The following VWA5A variants were observed in gnomAD, a reference collection of about 807,000 sequenced individuals.
VWA5A encodes the protein von Willebrand factor A domain containing 5A.
A neutral mutation model predicts 84.6 loss-of-function variants in VWA5A; 77 were observed. That is an observed-to-expected ratio of 0.91 (90% CI 0.76 to 1.10). The LOEUF (loss-of-function observed/expected upper bound fraction) is 1.10, where lower values mean the gene tolerates loss of function less well. VWA5A is among the 50% of genes least tolerant of loss of function. The pLI is 0.00. For synonymous variants in VWA5A, 334 were observed against 350.1 expected, an observed-to-expected ratio of 0.95 and a Z score of 0.51; for missense variants, 973 against 963.0, an observed-to-expected ratio of 1.01 and a Z score of -0.14.
rs1207160701 is a variant in VWA5A at position 124,145,914 on chromosome 11, C to T, written c.2330C>T (p.Ser777Leu). Residue 777 changes from serine to leucine, a missense_variant, in exon 19 of 19, where the codon TCA (serine) becomes TTA (leucine). By Grantham distance (145) the Ser-to-Leu change is moderately radical. Transcript: ENST00000456829. ...VVKAAITFLKSSVDPAIFAF is the reference protein window; with the variant it reads ...VVKAAITFLKLSVDPAIFAF ...AAAGCTGCTATTACTTTCCTGAAGT[C>T]ATCTGTGGATCCTGCTATCTTTGCC... 2 of 1,588,582 alleles carry T rather than the reference C, an allele frequency of 1.3e-6. No individual in the cohort carries two copies. The highest frequency in any genetic ancestry group is 1.7e-6 in the Non-Finnish European group (2 of 1,163,632).
intron 7 of VWA5A, among the ~76,000 whole-genome samples, chr11:124,122,645 C>T (rs1313935141): frequency 6.6e-6 from 1 of 152,214 alleles, no homozygotes; most frequent in African/African-American, 2.4e-5. Flanking sequence ...AATGCTGGAA[C>T]ATTTTAACCT....
In VWA5A at chr11:124,136,611, C is replaced by T; in HGVS notation, c.1562C>T (p.Thr521Ile). 2 of 1,614,166 alleles carry T rather than the reference C, an allele frequency of 1.2e-6. No individual in the cohort carries two copies. The highest frequency in any genetic ancestry group is 8.5e-7 in the Non-Finnish European group (1 of 1,180,034). ...ETTGEVCLKYTLQGKTFEDKV... is the reference protein window; with the variant it reads ...ETTGEVCLKYILQGKTFEDKV... ...ACAGGAGAAGTATGCCTCAAATATA[C>T]ACTCCAGGGCAAGACTTTTGAGGAT... is the stretch of plus-strand genomic sequence containing the variant. Residue 521 changes from threonine (T) to isoleucine (I), a missense_variant, in exon 14 of 19, where the codon ACA becomes ATA. Transcript: ENST00000456829.
intron 11 of VWA5A, among the ~76,000 whole-genome samples, chr11:124,125,488 T>C (rs1865006639): frequency 6.6e-6 from 1 of 152,192 alleles, no homozygotes; most frequent in Non-Finnish European, 1.5e-5. Context: ...TTTCACCGTG[T>C]TAGCCAGGAT....
At chr11:124,124,494 A>G in intron 11 of VWA5A, 178 bp downstream of exon 11, 1 of 1,361,252 alleles carries the variant, frequency 7.3e-7, no homozygotes, top group Non-Finnish European at 9.4e-7. Context: ...TCCAAATAAC[A>G]TCAACAACAC....
At chr11:124,137,459 A>G (rs962743577) in intron 15 of VWA5A, among the ~76,000 whole-genome samples, 191 bp downstream of exon 15, 1 of 152,244 alleles carries the variant, frequency 6.6e-6, no homozygotes, top group Non-Finnish European at 1.5e-5. Flanking sequence ...ATTGGCAAGG[A>G]GATTTAAAAT....
In VWA5A at chr11:124,136,691, C is replaced by CCCTCCCTTCCTT. The variant is rs1860593249; in HGVS notation, c.1625+20_1625+21insCCCTTCCTTCCT. The CCCTCCCTTCCTT allele has an allele frequency of 9.3e-7, 1 of 1,079,516 alleles. No homozygotes were observed. The highest frequency in any genetic ancestry group is 1.3e-6 in the Non-Finnish European group (1 of 782,256). 66.9% of individuals were successfully genotyped at this position (1,079,516 alleles called of 1,614,324 possible). On this transcript the variant is annotated intron_variant, in intron 14 of 18. Coordinates refer to ENST00000456829, the MANE Select transcript of VWA5A (RefSeq NM_001130142.2). ...TGATGTCAAGTGAGAATTCAGTTTT[C>CCCTCCCTTCCTT]CCTTCCTTCCTTCCTTCCTTCCTTC...
At position 124,121,613 on chromosome 11, in the gene VWA5A, G is replaced by A. The variant is rs140292212; in HGVS notation, c.761-1347G>A. Among the ~76,000 whole-genome samples, 1,146 of 152,218 alleles carry A rather than the reference G, an allele frequency of 7.5e-3. 11 individuals carry two copies. Among genetic ancestry groups the A allele is most frequent in the African/African-American group, 0.026 (1,063 of 41,514 alleles). On this transcript the variant is annotated intron_variant, in intron 7 of 18. Transcript: ENST00000456829. Reference sequence around the variant, plus strand: ...TACCCCGGCTTAAAATAATCTTGACGTAGGTGTTACTACCTTGACTTTTCA... The same window carrying A: ...TACCCCGGCTTAAAATAATCTTGACATAGGTGTTACTACCTTGACTTTTCA...
In VWA5A at chr11:124,123,766, A is replaced by T; in HGVS notation, c.1126A>T (p.Ile376Phe). 6.2e-7 allele frequency: 1 copy of T among 1,602,818 alleles called. No individual in the cohort carries two copies. Among genetic ancestry groups the T allele is most frequent in the Non-Finnish European group, 8.5e-7 (1 of 1,175,564 alleles). ...TGAAATCTTGGCACCACTCCAGAAC[A>T]TTTACAGGGGACCCTCCATCCCAGG... ...GTEILAPLQNIYRGPSIPGHP... is the reference protein window; with the variant it reads ...GTEILAPLQNFYRGPSIPGHP... Residue 376 changes from isoleucine (I) to phenylalanine (F), a missense_variant, in exon 10 of 19, where the codon ATT (isoleucine) becomes TTT (phenylalanine). Coordinates refer to ENST00000456829, the MANE Select transcript of VWA5A (RefSeq NM_001130142.2).
At chr11:124,141,469 A>C in intron 15 of VWA5A, 129 bp from the exon 16 acceptor site, 1 of 1,215,550 alleles carries the variant, frequency 8.2e-7, no homozygotes, top group Non-Finnish European at 1.1e-6. Context: ...ATATGAGAGA[A>C]AAATAGCACA....
At chr11:124,136,770 C>G (rs1333098511) in intron 14 of VWA5A, 96 bp downstream of exon 14, 1 of 899,822 alleles carries the variant, frequency 1.1e-6, no homozygotes, top group Non-Finnish European at 1.7e-6. Flanking sequence ...CCCTCCCTCC[C>G]TCCCTCCCTC....
rs755002048 is a variant in VWA5A, at chr11:124,123,098, A to T, written c.899A>T (p.Asp300Val). ...ATGCAGAGCCCCATGAGTAGCCAGG[A>T]TACATCTCAGCTGCGAATACAGGCA... Reference protein sequence around the residue: ...GSMQSPMSSQDTSQLRIQAAK... With the variant: ...GSMQSPMSSQVTSQLRIQAAK... The change falls in exon 8 of 19, where the codon GAT (aspartate) becomes GTT (valine). Residue 300 changes from aspartate (D) to valine (V), a missense_variant. By Grantham distance (152) the Asp-to-Val change is radical. Transcript: ENST00000456829. 5 of 1,613,516 alleles carry T rather than the reference A, an allele frequency of 3.1e-6. No individual in the cohort carries two copies. The highest frequency in any genetic ancestry group is 4.2e-6 in the Non-Finnish European group (5 of 1,179,874).
intron 7 of VWA5A, 147 bp from the exon 8 acceptor site, chr11:124,122,813 T>C (rs1864950907): frequency 4.1e-6 from 3 of 737,850 alleles, no homozygotes; most frequent in Non-Finnish European, 4.3e-6. Context: ...CTTGACCCCA[T>C]TGCAAGCAGT....
chr11:124,120,956 A>AG (rs1248056611), intron 7 of VWA5A, among the ~76,000 whole-genome samples: 3 of 152,308 alleles, frequency 2.0e-5, no homozygotes, highest in Non-Finnish European at 4.4e-5. Flanking sequence ...CTGAAGGCCA[A>AG]GGGGGGACAT....
In VWA5A at chr11:124,124,291, G is replaced by C. The variant is rs765753994; in HGVS notation, c.1219G>C (p.Val407Leu). Residue 407 changes from valine (V) to leucine (L), a missense_variant, in exon 11 of 19, where the codon GTT becomes CTT. Physicochemically the swap from Val to Leu is conservative, Grantham distance 32. Coordinates refer to ENST00000456829, the MANE Select transcript of VWA5A (RefSeq NM_001130142.2). ...AGACACGTTTAGTGTAATTAAAGAA[G>C]TTAGGATCAACAGACAGAAACACAG... ...VTDTFSVIKE[V>L]RINRQKHRCF... The C allele has an allele frequency of 1.2e-6, 2 of 1,614,052 alleles. No individual in the cohort carries two copies. Among genetic ancestry groups the C allele is most frequent in the Non-Finnish European group, 8.5e-7 (1 of 1,179,990 alleles).
intron 11 of VWA5A, among the ~76,000 whole-genome samples, chr11:124,131,399 AAT>A (rs1865095524): frequency 6.6e-6 from 1 of 152,068 alleles, no homozygotes; most frequent in Non-Finnish European, 1.5e-5. Context: ...TTTTTTATTT[AAT>A]ATGTTTGGAC....
intron 7 of VWA5A, among the ~76,000 whole-genome samples, chr11:124,120,167 T>C (rs1864909133): frequency 6.6e-6 from 1 of 152,172 alleles, no homozygotes; most frequent in African/African-American, 2.4e-5. Context: ...TAAGACTAAG[T>C]TTAGCTTCTT....
chr11:124,130,981 T>C (rs979238651), intron 11 of VWA5A, among the ~76,000 whole-genome samples: 2 of 152,060 alleles, frequency 1.3e-5, no homozygotes, highest in Non-Finnish European at 2.9e-5. Context: ...TTTTCTCCAA[T>C]TCTGTATTTA....
At chr11:124,127,387 G>A (rs1216229835) in intron 11 of VWA5A, among the ~76,000 whole-genome samples, 1 of 152,172 alleles carries the variant, frequency 6.6e-6, no homozygotes, top group Non-Finnish European at 1.5e-5. Context: ...TGGTGCATAT[G>A]TGCCACATTT....
chr11:124,123,861 C>T (rs1864974528), intron 10 of VWA5A, 57 bp downstream of exon 10: 1 of 1,517,822 alleles, frequency 6.6e-7, no homozygotes, highest in Non-Finnish European at 8.8e-7. Context: ...CTCTAAGAAT[C>T]TATGCCCCTG....
Sources: gnomAD v4.1 joint callset for allele counts (sites outside exome capture counted in the v4.1 genomes callset) on GRCh38, gnomAD v4.1.1 for gene constraint, MANE v1.5 for transcripts, NCBI Gene and HGNC (gene_info 2026-07-23, HGNC 2026-07-21) for gene names.